SLC24A3: variants seen among roughly 807,000 people sequenced by gnomAD.
SLC24A3 encodes the protein solute carrier family 24 member 3.
Under a neutral mutation model 75.8 loss-of-function variants are expected in SLC24A3, and 28 were observed. The ratio of observed to expected loss-of-function variants is 0.37; its 90% CI spans 0.27 to 0.51. The LOEUF (loss-of-function observed/expected upper bound fraction) is 0.51. Ranked by LOEUF, SLC24A3 falls within the 20% of genes least tolerant of loss-of-function variation. The pLI is 0.94. For missense variants in SLC24A3, 663 were observed against 847.8 expected (o/e 0.78, Z 2.71); for synonymous variants, 372 against 334.1 (o/e 1.11, Z -1.24).
chr20:19,231,828 G>A (rs1027273814), intron 1 of SLC24A3, among the ~76,000 whole-genome samples: 15 of 152,176 alleles, frequency 9.9e-5, no homozygotes, highest in African/African-American at 3.6e-4. Flanking sequence ...GGAGTGATTG[G>A]CTGTGTGTGC....
At chr20:19,399,976 G>A (rs1265543319) in intron 2 of SLC24A3, among the ~76,000 whole-genome samples, 1 of 152,202 alleles carries the variant, frequency 6.6e-6, no homozygotes, top group Non-Finnish European at 1.5e-5. Flanking sequence ...CTCAGATAGT[G>A]TGGTTTTCAC....
intron 3 of SLC24A3, among the ~76,000 whole-genome samples, chr20:19,557,642 A>G (rs150050048): frequency 6.6e-6 from 1 of 152,302 alleles, no homozygotes; most frequent in Non-Finnish European, 1.5e-5. Context: ...GAGGTCAGTA[A>G]GAATGCAGCA....
intron 1 of SLC24A3, among the ~76,000 whole-genome samples, chr20:19,227,141 T>G (rs1223066137): frequency 6.6e-6 from 1 of 152,230 alleles, no homozygotes; most frequent in African/African-American, 2.4e-5. Flanking sequence ...TGAATTATTT[T>G]TATATATTTT....
chr20:19,245,395 A>G (rs1982457384), intron 1 of SLC24A3, among the ~76,000 whole-genome samples: 1 of 152,222 alleles, frequency 6.6e-6, no homozygotes, highest in Non-Finnish European at 1.5e-5. Context: ...TATTTTAAAT[A>G]TTTCAGACTG....
chr20:19,497,603 C>A (rs6081615), intron 2 of SLC24A3, among the ~76,000 whole-genome samples: 1 of 151,906 alleles, frequency 6.6e-6, no homozygotes, highest in African/African-American at 2.4e-5. Flanking sequence ...TGGGGAGAAA[C>A]GTGAACTAAA....
intron 2 of SLC24A3, among the ~76,000 whole-genome samples, chr20:19,473,886 G>C (rs1987916865): frequency 6.6e-6 from 1 of 152,244 alleles, no homozygotes; most frequent in Admixed American, 6.5e-5. Context: ...TTGGTCTGCA[G>C]AGACTTCTAA....
intron 9 of SLC24A3, among the ~76,000 whole-genome samples, chr20:19,674,262 A>G (rs1301274202): frequency 6.6e-6 from 1 of 152,200 alleles, no homozygotes; most frequent in African/African-American, 2.4e-5. Flanking sequence ...TGCATAACAA[A>G]CCATCCCAAA....
chr20:19,409,932 G>C (rs912967393), intron 2 of SLC24A3, among the ~76,000 whole-genome samples: 12 of 151,926 alleles, frequency 7.9e-5, no homozygotes, highest in African/African-American at 2.9e-4. Context: ...TTGGGTGGTA[G>C]AATTGTGGTT....
At chr20:19,547,668 G>A (rs2030623412) in intron 3 of SLC24A3, among the ~76,000 whole-genome samples, 1 of 152,238 alleles carries the variant, frequency 6.6e-6, no homozygotes, top group Non-Finnish European at 1.5e-5. Context: ...ATCAGCAGAA[G>A]CTGAGTGAAT....
At position 19,265,604 on chromosome 20, in the gene SLC24A3, C is replaced by G. The variant is rs377401403; in HGVS notation, c.143-15355C>G. The G allele has an allele frequency of 1.2e-4, 19 of 152,214 alleles. No homozygotes were observed. The East Asian group carries it at 1.5e-3, about 12-fold the overall frequency. 9.4% of individuals were successfully genotyped at this position (152,214 alleles called of 1,614,324 possible). On this transcript the variant is annotated intron_variant, in intron 1 of 16. Transcript: ENST00000328041. ...AAAAGCCAGCCCAATCTGGCTCAGG[C>G]TAAAAAGGGAATACATTGCAACATG...
At chr20:19,612,357 G>A (rs972341640) in intron 6 of SLC24A3, among the ~76,000 whole-genome samples, 1 of 152,170 alleles carries the variant, frequency 6.6e-6, no homozygotes, top group African/African-American at 2.4e-5. Flanking sequence ...GCACCACAGG[G>A]CGAATATGGT....
chr20:19,378,624 C>T (rs1224802918), intron 2 of SLC24A3, among the ~76,000 whole-genome samples: 3 of 152,070 alleles, frequency 2.0e-5, no homozygotes, highest in South Asian at 4.1e-4. Flanking sequence ...TTTAAGCCTC[C>T]CTTCTTTCCT....
intron 6 of SLC24A3, among the ~76,000 whole-genome samples, chr20:19,646,373 ATTT>A (rs2032137004): frequency 6.6e-6 from 1 of 152,136 alleles, no homozygotes; most frequent in Non-Finnish European, 1.5e-5. Context: ...ATCCAAGATA[ATTT>A]TTATTTGTAT....
intron 1 of SLC24A3, among the ~76,000 whole-genome samples, chr20:19,278,960 C>G (rs1161422830): frequency 6.6e-6 from 1 of 152,220 alleles, no homozygotes; most frequent in Admixed American, 6.5e-5. Flanking sequence ...CAGACACTTC[C>G]ATGAGTCTCA....
intron 2 of SLC24A3, among the ~76,000 whole-genome samples, chr20:19,383,951 G>A (rs1326471383): frequency 1.3e-5 from 2 of 152,118 alleles, no homozygotes; most frequent in Non-Finnish European, 2.9e-5. Flanking sequence ...ATTTGGGGAG[G>A]ACACAAACAT....
intron 2 of SLC24A3, among the ~76,000 whole-genome samples, chr20:19,424,378 T>C (rs963738733): frequency 4.6e-5 from 7 of 152,184 alleles, no homozygotes; most frequent in African/African-American, 1.7e-4. Context: ...AAATAGGTTA[T>C]AGACATGATG....
At chr20:19,240,289 A>G (rs180828777) in intron 1 of SLC24A3, among the ~76,000 whole-genome samples, 19 of 152,290 alleles carry the variant, frequency 1.2e-4, no homozygotes, top group East Asian at 3.9e-4. Context: ...TGCAGCCTCA[A>G]TGGTGTACAT....
intron 2 of SLC24A3, among the ~76,000 whole-genome samples, chr20:19,492,826 A>C (rs142270533): frequency 4.0e-5 from 6 of 151,310 alleles, no homozygotes; most frequent in Admixed American, 4.0e-4. Context: ...TTGTTCTCGT[A>C]TGGCCTGTCC....
At chr20:19,605,095 T>C (rs1469300831) in intron 6 of SLC24A3, among the ~76,000 whole-genome samples, 1 of 152,108 alleles carries the variant, frequency 6.6e-6, no homozygotes, top group African/African-American at 2.4e-5. Context: ...AAGAGTTAAA[T>C]TAGGAAAAAA....
Sources: gnomAD v4.1 joint callset for allele counts (sites outside exome capture counted in the v4.1 genomes callset) on GRCh38, gnomAD v4.1.1 for gene constraint, MANE v1.5 for transcripts, NCBI Gene and HGNC (gene_info 2026-07-23, HGNC 2026-07-21) for gene names.